The following ABTB3 variants were observed in gnomAD, a reference collection of about 807,000 sequenced individuals.
ABTB3 encodes the protein ankyrin repeat- and BTB/POZ domain-containing protein 3.
the ABTB3 span, chr12:107,617,292 G>A: frequency 2.5e-6 from 4 of 1,613,894 alleles, no homozygotes; most frequent in African/African-American, 2.7e-5. Context: ...CCCTTCTCTG[G>A]GCTTGCAGGA....
chr12:107,475,349 A>G, the ABTB3 span, among the ~76,000 whole-genome samples: 14 of 152,296 alleles, frequency 9.2e-5, no homozygotes, highest in African/African-American at 3.1e-4. Context: ...CATGATTACC[A>G]AAGAGGTAAC....
the ABTB3 span, among the ~76,000 whole-genome samples, chr12:107,495,067 C>T: frequency 2.4e-4 from 36 of 152,250 alleles, 1 homozygote; most frequent in African/African-American, 7.2e-4. Flanking sequence ...GTGGCCAGGA[C>T]GCCCAGCGCC....
At chr12:107,403,278 C>T in the ABTB3 span, among the ~76,000 whole-genome samples, 8 of 152,246 alleles carry the variant, frequency 5.3e-5, no homozygotes, top group African/African-American at 1.9e-4. Context: ...TAGTGACAGA[C>T]CTGAACTTGC....
the ABTB3 span, among the ~76,000 whole-genome samples, chr12:107,495,739 T>C: frequency 6.6e-6 from 1 of 152,196 alleles, no homozygotes; most frequent in African/African-American, 2.4e-5. Context: ...CAGCTTCTCA[T>C]TGTGCCTAAC....
At chr12:107,458,805 A>T in the ABTB3 span, among the ~76,000 whole-genome samples, 3 of 152,174 alleles carry the variant, frequency 2.0e-5, no homozygotes, top group African/African-American at 7.2e-5. Context: ...CCCACAGATG[A>T]GGCCATGAAA....
At chr12:107,462,324 A>T in the ABTB3 span, among the ~76,000 whole-genome samples, 2 of 152,176 alleles carry the variant, frequency 1.3e-5, no homozygotes, top group South Asian at 4.1e-4. Flanking sequence ...GAGAGCGGAG[A>T]AGTCCTCTAA....
chr12:107,614,894 C>G, the ABTB3 span, among the ~76,000 whole-genome samples: 3 of 152,156 alleles, frequency 2.0e-5, no homozygotes, highest in Non-Finnish European at 4.4e-5. Flanking sequence ...TTTGGAGCAT[C>G]CAGCAGTGGA....
At chr12:107,581,126 T>A in the ABTB3 span, 6 of 1,543,978 alleles carry the variant, frequency 3.9e-6, no homozygotes, top group Non-Finnish European at 4.4e-6. Context: ...CTAACGCGCG[T>A]CTCCGGGTCC....
chr12:107,439,424 C>A, the ABTB3 span, among the ~76,000 whole-genome samples: 8 of 152,170 alleles, frequency 5.3e-5, no homozygotes. Context: ...TGGTTGCTGC[C>A]TGGAATTCAC....
chr12:107,608,893 TAAATAAAATAAAATA>T, the ABTB3 span, among the ~76,000 whole-genome samples: 8 of 84,280 alleles, frequency 9.5e-5, no homozygotes, highest in South Asian at 1.4e-3. Flanking sequence ...TAAAATAAAA[TAAATAAAATAAAATA>T]AAATAAAATA....
At chr12:107,458,375 C>A in the ABTB3 span, among the ~76,000 whole-genome samples, 1 of 152,184 alleles carries the variant, frequency 6.6e-6, no homozygotes, top group Non-Finnish European at 1.5e-5. Context: ...CCAGTCAGGA[C>A]CAATGCCAAG....
At chr12:107,512,136 C>A in the ABTB3 span, among the ~76,000 whole-genome samples, 12 of 152,162 alleles carry the variant, frequency 7.9e-5, no homozygotes, top group South Asian at 1.9e-3. Flanking sequence ...CCCCTAAATC[C>A]CCCCAAAAAT....
At chr12:107,493,164 G>A in the ABTB3 span, among the ~76,000 whole-genome samples, 10 of 152,236 alleles carry the variant, frequency 6.6e-5, no homozygotes, top group South Asian at 4.1e-4. Context: ...CCTGGGGACC[G>A]AGGGAGCACT....
the ABTB3 span, among the ~76,000 whole-genome samples, chr12:107,428,195 G>A: frequency 6.6e-6 from 1 of 152,324 alleles, no homozygotes; most frequent in Admixed American, 6.5e-5. Context: ...ATGGACAAAT[G>A]AATAAAAGGA....
the ABTB3 span, among the ~76,000 whole-genome samples, chr12:107,418,474 T>C: frequency 6.6e-6 from 1 of 152,192 alleles, no homozygotes; most frequent in Non-Finnish European, 1.5e-5. Flanking sequence ...TTCTTAGAAG[T>C]CAAGCTAGAC....
chr12:107,343,823 G>A, the ABTB3 span, among the ~76,000 whole-genome samples: 1 of 152,192 alleles, frequency 6.6e-6, no homozygotes, highest in African/African-American at 2.4e-5. Flanking sequence ...GTGAGCGCAG[G>A]AAAAAGTGCC....
chr12:107,493,489 C>T, the ABTB3 span, among the ~76,000 whole-genome samples: 3 of 152,146 alleles, frequency 2.0e-5, no homozygotes, highest in Non-Finnish European at 4.4e-5. Context: ...CCTCAGAGGC[C>T]GGCCCCTCTT....
the ABTB3 span, among the ~76,000 whole-genome samples, chr12:107,635,557 C>T: frequency 6.6e-6 from 1 of 152,140 alleles, no homozygotes; most frequent in Non-Finnish European, 1.5e-5. Flanking sequence ...TATGTGATGA[C>T]ACTGGAGAAC....
chr12:107,610,133 C>A, the ABTB3 span: 1 of 1,604,772 alleles, frequency 6.2e-7, no homozygotes, highest in Non-Finnish European at 8.5e-7. Flanking sequence ...GCGGAGTTTG[C>A]TCCTGTGCCC....
Sources: allele counts gnomAD v4.1 joint callset (sites outside exome capture counted in the v4.1 genomes callset), GRCh38; gene constraint gnomAD v4.1.1; transcripts MANE v1.5; gene names NCBI Gene and HGNC (gene_info 2026-07-23, HGNC 2026-07-21).